Variants in NRG1 observed in about 807,000 individuals in gnomAD.
NRG1 encodes the protein pro-neuregulin-1, membrane-bound isoform.
A neutral mutation model predicts 63.8 loss-of-function variants in NRG1; 18 were observed. That is an observed-to-expected ratio of 0.28 (90% CI 0.19 to 0.42). NRG1 has a LOEUF of 0.42. NRG1 is among the 10% of genes least tolerant of loss of function. The pLI is 1.00. For missense variants in NRG1, 762 were observed against 814.7 expected, an observed-to-expected ratio of 0.94 and a Z score of 0.79; for synonymous variants, 302 against 301.3, an observed-to-expected ratio of 1.00 and a Z score of -0.02.
chr8:32,280,691 GTTTTTTTTT>G (rs1174950316), intron 1 of NRG1, among the ~76,000 whole-genome samples: 1 of 57,628 alleles, frequency 1.7e-5, no homozygotes, highest in Non-Finnish European at 3.4e-5. Flanking sequence ...TTTTTTTTTT[GTTTTTTTTT>G]TTTTTTTTTT....
At chr8:32,070,980 C>A (rs942509574) in intron 1 of NRG1, among the ~76,000 whole-genome samples, 43 of 152,280 alleles carry the variant, frequency 2.8e-4, no homozygotes, top group African/African-American at 1.0e-3. Context: ...ACGCACCAAG[C>A]TCTGTGCCAC....
At chr8:32,600,453 A>G (rs140990379) in intron 2 of NRG1, among the ~76,000 whole-genome samples, 30 of 152,248 alleles carry the variant, frequency 2.0e-4, no homozygotes, top group Non-Finnish European at 4.4e-5. Flanking sequence ...GCCTGTAACT[A>G]TGGTAGAATA....
At chr8:32,386,054 T>C (rs751138643) in intron 1 of NRG1, among the ~76,000 whole-genome samples, 1 of 152,234 alleles carries the variant, frequency 6.6e-6, no homozygotes, top group Non-Finnish European at 1.5e-5. Flanking sequence ...CTGTCTATGC[T>C]GTCATAGGTC....
chr8:31,700,340 T>A (rs1810507675), intron 1 of NRG1, among the ~76,000 whole-genome samples: 1 of 152,148 alleles, frequency 6.6e-6, no homozygotes, highest in Non-Finnish European at 1.5e-5. Flanking sequence ...GGAAGGATGC[T>A]TACATGAACA....
intron 1 of NRG1, among the ~76,000 whole-genome samples, chr8:32,083,771 C>T (rs374367816): frequency 1.1e-5 from 1 of 92,964 alleles, no homozygotes; most frequent in Non-Finnish European, 2.2e-5. Context: ...TCATGTGATA[C>T]AGTATATATG....
At chr8:31,954,180 AG>A (rs1220469356) in intron 1 of NRG1, among the ~76,000 whole-genome samples, 3 of 152,170 alleles carry the variant, frequency 2.0e-5, no homozygotes, top group Non-Finnish European at 4.4e-5. Context: ...ATAAAATCAC[AG>A]CCCTGGAGCT....
intron 1 of NRG1, among the ~76,000 whole-genome samples, chr8:32,044,928 AAAACAC>A (rs1270032989): frequency 1.3e-4 from 20 of 148,674 alleles, no homozygotes; most frequent in Non-Finnish European, 2.8e-4. Context: ...AAAAAAAAAA[AAAACAC>A]ACACACACAA....
chr8:32,528,999 A>G (rs762866018), intron 1 of NRG1, among the ~76,000 whole-genome samples: 1 of 152,196 alleles, frequency 6.6e-6, no homozygotes, highest in Non-Finnish European at 1.5e-5. Context: ...TCACTTAACA[A>G]TGTGGCTACG....
intron 5 of NRG1, among the ~76,000 whole-genome samples, chr8:32,686,567 T>G (rs1810181882): frequency 6.6e-6 from 1 of 152,188 alleles, no homozygotes; most frequent in Non-Finnish European, 1.5e-5. Context: ...AGAAATTCCC[T>G]CCTCAGATAC....
rs199968997 is a variant in NRG1 at position 32,573,114 on chromosome 8, A to C, written c.101-22714A>C. On this transcript the variant is annotated intron_variant, in intron 1 of 11. Coordinates refer to ENST00000356819, the Ensembl canonical transcript of NRG1. ...TTAGCATTCTCAGATAACATTCTGA[A>C]TATTCTACTCTGTATATCCAGTTTG... Among the ~76,000 whole-genome samples the C allele has an allele frequency of 2.0e-5, 3 of 152,290 alleles. No individual in the cohort carries two copies. The East Asian group carries it at 5.8e-4, about 29-fold the overall frequency.
intron 1 of NRG1, among the ~76,000 whole-genome samples, chr8:31,780,987 A>T (rs1305674606): frequency 6.6e-6 from 1 of 152,204 alleles, no homozygotes; most frequent in African/African-American, 2.4e-5. Flanking sequence ...ATAATCTCTC[A>T]ACTTTTCTTT....
chr8:32,503,288 GAAAAAAAAAAAAAAAAA>G (rs60857610), intron 1 of NRG1, among the ~76,000 whole-genome samples: 2 of 54,862 alleles, frequency 3.6e-5, no homozygotes, highest in East Asian at 4.4e-4. Context: ...CTCTGTCTCA[GAAAAAAAAAAAAAAAAA>G]AAAAAAAAAA....
Position 32,380,385 on chromosome 8 carries a change from C to A in NRG1, c.38-215443C>A, listed in dbSNP as rs187194424. On this transcript the variant is annotated intron_variant, in intron 1 of 10. Coordinates refer to the NRG1 transcript ENST00000519301. The stretch of plus-strand genomic sequence containing the variant: ...GTTTCTGGAAATCTTTTTCTATATG[C>A]TCTTTTTAGGTGACCCCTCCAGTTG... 1.4e-4 allele frequency among the ~76,000 whole-genome samples: 22 copies of A among 152,102 alleles called. No individual in the cohort carries two copies. In the East Asian group the frequency reaches 4.3e-3, roughly 29 times the overall value.
At chr8:32,315,955 A>G (rs1257373388) in intron 1 of NRG1, among the ~76,000 whole-genome samples, 1 of 152,268 alleles carries the variant, frequency 6.6e-6, no homozygotes, top group African/African-American at 2.4e-5. Context: ...GCAGTGGAGT[A>G]CATAGAAAGG....
intron 1 of NRG1, among the ~76,000 whole-genome samples, chr8:32,411,221 G>A (rs1441889986): frequency 6.6e-6 from 1 of 152,134 alleles, no homozygotes; most frequent in South Asian, 2.1e-4. Flanking sequence ...TGAGAAGACA[G>A]GTGGCTTATC....
chr8:32,583,382 A>G (rs1435498716), intron 1 of NRG1, among the ~76,000 whole-genome samples: 1 of 152,112 alleles, frequency 6.6e-6, no homozygotes, highest in Non-Finnish European at 1.5e-5. Flanking sequence ...ACTTTACCTA[A>G]GTTTCCTGTC....
chr8:31,697,990 G>T (rs1312256596), intron 1 of NRG1, among the ~76,000 whole-genome samples: 2 of 150,598 alleles, frequency 1.3e-5, no homozygotes, highest in African/African-American at 4.9e-5. Flanking sequence ...TCTCCAGTCT[G>T]CAATAGTTTG....
chr8:31,833,735 G>A (rs2129606471), intron 1 of NRG1, among the ~76,000 whole-genome samples: 1 of 152,180 alleles, frequency 6.6e-6, no homozygotes, highest in Non-Finnish European at 1.5e-5. Flanking sequence ...TAGTCATCTT[G>A]GTCTTCTGTT....
chr8:31,985,089 T>C (rs1303012385), intron 1 of NRG1, among the ~76,000 whole-genome samples: 1 of 152,102 alleles, frequency 6.6e-6, no homozygotes, highest in African/African-American at 2.4e-5. Flanking sequence ...CAATTATTAA[T>C]ATTCCTGTGT....
Sources: gnomAD v4.1 joint callset for allele counts (sites outside exome capture counted in the v4.1 genomes callset) on GRCh38, gnomAD v4.1.1 for gene constraint, MANE v1.5 for transcripts, NCBI Gene and HGNC (gene_info 2026-07-23, HGNC 2026-07-21) for gene names.